Variants in SCN9A observed in about 807,000 individuals in gnomAD.
SCN9A encodes sodium channel protein type 9 subunit alpha.
In SCN9A, 131 loss-of-function variants were observed where a neutral mutation model predicts 187.0. That is an observed-to-expected ratio of 0.70 (90% CI 0.61 to 0.81). The LOEUF is 0.81. Ranked by LOEUF, SCN9A falls within the 30% of genes least tolerant of loss-of-function variation. The pLI is 0.00. For missense variants in SCN9A, 2,252 were observed against 2,396.6 expected, an observed-to-expected ratio of 0.94 and a Z score of 1.26; for synonymous variants, 809 against 808.6, an observed-to-expected ratio of 1.00 and a Z score of -0.01.
rs1264893670 is a variant in SCN9A, at chr2:166,198,906, A to G, written c.5733T>C (p.Asn1911=). ...RRYRLRQNVK[N]ISSIYIKDGD... is the part of the protein sequence containing the mutation. ...CATCTTTTATGTATATACTTGATAT[A>G]TTTTTGACATTTTGCCTTAAGCGGT... is the stretch of plus-strand genomic sequence containing the variant. The change falls in exon 27 of 27, where the codon AAT becomes AAC. Residue 1911 remains asparagine (N), a synonymous_variant. Transcript: ENST00000642356. The G allele has an allele frequency of 6.2e-7, 1 of 1,613,672 alleles. No individual in the cohort carries two copies. Among genetic ancestry groups the G allele is most frequent in the East Asian group, 2.2e-5 (1 of 44,888 alleles).
chr2:166,259,492 A>G (rs756505007), intron 17 of SCN9A, among the ~76,000 whole-genome samples: 1 of 151,826 alleles, frequency 6.6e-6, no homozygotes, highest in Non-Finnish European at 1.5e-5. Context: ...AGACTTAAAA[A>G]CAATCAATTA....
intron 22 of SCN9A, among the ~76,000 whole-genome samples, 165 bp from the exon 23 acceptor site, chr2:166,227,888 T>C (rs1694907129): frequency 1.3e-5 from 2 of 152,214 alleles, no homozygotes; most frequent in Admixed American, 6.5e-5. Context: ...AAAAAGGACA[T>C]ATTCCCAAGT....
intron 20 of SCN9A, among the ~76,000 whole-genome samples, chr2:166,237,174 T>C (rs1280677887): frequency 1.3e-5 from 2 of 151,328 alleles, no homozygotes; most frequent in African/African-American, 4.8e-5. Context: ...AAATATGTCA[T>C]ATATATTATT....
At chr2:166,349,341 AAG>A (rs772005602) in intron 1 of SCN9A, among the ~76,000 whole-genome samples, 28 of 152,238 alleles carry the variant, frequency 1.8e-4, no homozygotes, top group Non-Finnish European at 3.8e-4. Flanking sequence ...AAAAGTGAGA[AAG>A]AGTTCAAAAT....
chr2:166,364,593 C>T (rs1216459531), intron 1 of SCN9A, among the ~76,000 whole-genome samples: 1 of 152,052 alleles, frequency 6.6e-6, no homozygotes, highest in Non-Finnish European at 1.5e-5. Flanking sequence ...AAGACAAATG[C>T]TATAGGGTTC....
At chr2:166,333,505 A>G (rs1293471762) in intron 1 of SCN9A, among the ~76,000 whole-genome samples, 4 of 152,230 alleles carry the variant, frequency 2.6e-5, no homozygotes, top group East Asian at 3.9e-4. Context: ...AGTCCAGCTT[A>G]TAAGTCCAGC....
At chr2:166,324,514 T>TA (rs1373894742) in intron 1 of SCN9A, among the ~76,000 whole-genome samples, 1 of 152,152 alleles carries the variant, frequency 6.6e-6, no homozygotes, top group African/African-American at 2.4e-5. Context: ...TTCCTGCAGG[T>TA]AAAATCTTGA....
chr2:166,286,062 TACA>T (rs1697725947), intron 11 of SCN9A, among the ~76,000 whole-genome samples: 1 of 152,212 alleles, frequency 6.6e-6, no homozygotes, highest in East Asian at 1.9e-4. Context: ...TCTTTATTTC[TACA>T]ATGGTTCTCA....
At chr2:166,269,672 T>C (rs1238654531) in intron 17 of SCN9A, among the ~76,000 whole-genome samples, 2 of 152,060 alleles carry the variant, frequency 1.3e-5, no homozygotes, top group African/African-American at 4.8e-5. Flanking sequence ...TAAGGTTCCC[T>C]TAAAAATGTT....
At position 166,233,393 on chromosome 2, in the gene SCN9A, T is replaced by C. The variant is rs1173515969; in HGVS notation, c.3871A>G (p.Thr1291Ala). ...CTTAGAGGTCTTAAAGCTCTCAGTG[T>C]CCGAAGGGATTTAATGGGGCCAAGA... The part of the protein sequence containing the change: ...SDLGPIKSLR[T>A]LRALRPLRAL... The change falls in exon 21 of 27, where the codon ACA becomes GCA. Residue 1291 changes from threonine to alanine, a missense_variant. Coordinates refer to ENST00000642356, the MANE Select transcript of SCN9A (RefSeq NM_001365536.1). The C allele has an allele frequency of 2.5e-6, 4 of 1,582,622 alleles. No individual in the cohort carries two copies. Among genetic ancestry groups the C allele is most frequent in the Non-Finnish European group, 3.4e-6 (4 of 1,167,792 alleles).
intron 1 of SCN9A, among the ~76,000 whole-genome samples, chr2:166,316,981 G>A (rs910634305): frequency 3.3e-5 from 5 of 151,962 alleles, no homozygotes; most frequent in African/African-American, 4.8e-5. Flanking sequence ...AGCGTTCAAA[G>A]ACTATTTAAT....
At chr2:166,339,315 ACT>A (rs1215053610) in intron 1 of SCN9A, among the ~76,000 whole-genome samples, 3 of 152,022 alleles carry the variant, frequency 2.0e-5, no homozygotes, top group African/African-American at 7.2e-5. Flanking sequence ...GTAATAGCTG[ACT>A]CTCTGATATA....
chr2:166,279,145 C>T (rs1011713940), intron 14 of SCN9A, among the ~76,000 whole-genome samples: 2 of 151,896 alleles, frequency 1.3e-5, no homozygotes, highest in African/African-American at 2.4e-5. Context: ...TTGCAAGATC[C>T]GGATCTCCAC....
chr2:166,350,745 T>C (rs987655544), intron 1 of SCN9A, among the ~76,000 whole-genome samples: 8 of 152,118 alleles, frequency 5.3e-5, no homozygotes, highest in Admixed American at 4.6e-4. Flanking sequence ...CCACTGGTGA[T>C]CACCAGGGAA....
At chr2:166,211,090 G>C (rs1694070860) in intron 24 of SCN9A, among the ~76,000 whole-genome samples, 1 of 151,642 alleles carries the variant, frequency 6.6e-6, no homozygotes. Context: ...GTCTCCACTA[G>C]AGACATAATA....
At position 166,324,279 on chromosome 2, in the gene SCN9A, C is replaced by T. The variant is rs757322465; in HGVS notation, c.-50-12473G>A. 6.4e-4 allele frequency among the ~76,000 whole-genome samples: 97 copies of T among 151,506 alleles called. 1 individual carries two copies. In the Middle Eastern group the frequency reaches 0.014, roughly 21 times the overall value. On this transcript the variant is annotated intron_variant, in intron 1 of 26. Coordinates refer to ENST00000642356, the MANE Select transcript of SCN9A (RefSeq NM_001365536.1). ...CTGCACTCCAGCCTGAACCAGAGAGCGGGACTCCATCTCAAATAAATAAAT... is the reference window on the plus strand; with the variant it reads ...CTGCACTCCAGCCTGAACCAGAGAGTGGGACTCCATCTCAAATAAATAAAT...
chr2:166,363,054 A>G (rs1054272585), intron 1 of SCN9A, among the ~76,000 whole-genome samples: 1 of 152,006 alleles, frequency 6.6e-6, no homozygotes, highest in Non-Finnish European at 1.5e-5. Context: ...GATTGTCTAA[A>G]AACAAGAAAT....
chr2:166,243,290 C>T (rs964700330), intron 18 of SCN9A, among the ~76,000 whole-genome samples: 2 of 152,006 alleles, frequency 1.3e-5, no homozygotes, highest in Admixed American at 1.3e-4. Context: ...CATTCATTAA[C>T]GCATTCTTTT....
chr2:166,352,755 A>G (rs1201344583), intron 1 of SCN9A, among the ~76,000 whole-genome samples: 1 of 152,188 alleles, frequency 6.6e-6, no homozygotes, highest in East Asian at 1.9e-4. Flanking sequence ...AATCAAACTG[A>G]AAAGTAAGAC....
Sources: gnomAD v4.1 joint callset for allele counts (sites outside exome capture counted in the v4.1 genomes callset) on GRCh38, gnomAD v4.1.1 for gene constraint, MANE v1.5 for transcripts, NCBI Gene and HGNC (gene_info 2026-07-23, HGNC 2026-07-21) for gene names.